The following RAB3B variants were observed in gnomAD, a reference collection of about 807,000 sequenced individuals.
The protein encoded by RAB3B is RAB3B, member RAS oncogene family, also known as ras-related protein Rab-3B.
A neutral mutation model predicts 20.5 loss-of-function variants in RAB3B; 11 were observed. The ratio of observed to expected loss-of-function variants is 0.54; its 90% CI spans 0.34 to 0.89. RAB3B has a LOEUF of 0.89. RAB3B is among the 40% of genes least tolerant of loss of function. RAB3B has a pLI of 0.02. For synonymous variants in RAB3B, 99 were observed against 106.3 expected, an observed-to-expected ratio of 0.93 and a Z score of 0.42; for missense variants, 225 against 280.9, an observed-to-expected ratio of 0.80 and a Z score of 1.42.
chr1:51,930,074 C>G (rs371601364), intron 4 of RAB3B, among the ~76,000 whole-genome samples: 1 of 152,102 alleles, frequency 6.6e-6, no homozygotes, highest in Non-Finnish European at 1.5e-5. Context: ...CTCAGGGAGT[C>G]GAGTTAGGCA....
At chr1:51,979,605 C>G (rs919082923) in intron 1 of RAB3B, among the ~76,000 whole-genome samples, 6 of 152,106 alleles carry the variant, frequency 3.9e-5, no homozygotes, top group African/African-American at 1.2e-4. Context: ...ACAAGGGAAG[C>G]AACCACAACA....
At position 51,919,590 on chromosome 1, in the gene RAB3B, A is replaced by G. The variant is rs1019232906; in HGVS notation, c.*337T>C. On this transcript the variant is annotated 3_prime_UTR_variant, in exon 5 of 5. Coordinates refer to ENST00000371655, the MANE Select transcript of RAB3B (RefSeq NM_002867.4). ...GCCCCTGAAGAATGTGTGCGTGTCA[A>G]ATTTTGGTAAATGGAGGAACTCTCA... The G allele has an allele frequency of 5.2e-5, 11 of 210,324 alleles. No homozygotes were observed. The highest frequency in any genetic ancestry group is 1.0e-4 in the Non-Finnish European group (11 of 106,058). The allele number at this position is 210,324 out of a possible 1,614,324, so 13.0% of individuals were successfully genotyped here.
At chr1:51,987,616 G>C (rs139552499) in intron 1 of RAB3B, among the ~76,000 whole-genome samples, 102 of 152,264 alleles carry the variant, frequency 6.7e-4, no homozygotes, top group African/African-American at 2.4e-3. Context: ...ATGAGACCTT[G>C]GCAAGAAATG....
intron 2 of RAB3B, among the ~76,000 whole-genome samples, chr1:51,970,698 T>C (rs940278054): frequency 1.3e-5 from 2 of 152,080 alleles, no homozygotes; most frequent in African/African-American, 4.8e-5. Flanking sequence ...GAACCACAGA[T>C]GGAAAACTTC....
Position 51,976,998 on chromosome 1 carries a change from G to T in RAB3B, c.120C>A (p.Phe40Leu), listed in dbSNP as rs1187708041. 31 of 1,614,100 alleles carry T rather than the reference G, an allele frequency of 1.9e-5. No homozygotes were observed. Among genetic ancestry groups the T allele is most frequent in the Non-Finnish European group, 2.0e-5 (24 of 1,180,032 alleles). The change falls in exon 2 of 5, where the codon TTC becomes TTA. Residue 40 changes from phenylalanine to leucine, a missense_variant. By Grantham distance (22) the Phe-to-Leu change is conservative. Coordinates refer to ENST00000371655, the MANE Select transcript of RAB3B (RefSeq NM_002867.4). ...GGGTGAACGTGTCATCAGCATAGCG[G>T]AAGAGGAAGGAGGTCTTGCCAACAC... ...NSSVGKTSFL[F>L]RYADDTFTPA... is the part of the protein sequence containing the mutation.
chr1:51,986,965 C>T (rs1326180686), intron 1 of RAB3B, among the ~76,000 whole-genome samples: 1 of 152,250 alleles, frequency 6.6e-6, no homozygotes, highest in Admixed American at 6.5e-5. Flanking sequence ...TCAATCAAAT[C>T]TTTCCTCTAT....
intron 2 of RAB3B, among the ~76,000 whole-genome samples, chr1:51,947,255 G>A (rs1684577752): frequency 6.6e-6 from 1 of 152,110 alleles, no homozygotes; most frequent in African/African-American, 2.4e-5. Flanking sequence ...AATTAGCTGG[G>A]CATGGTGGCA....
rs937636227 is a variant in RAB3B at position 51,912,921 on chromosome 1, G to A, written c.*7006C>T. The A allele has an allele frequency of 1.3e-5, 2 of 152,088 alleles. No individual in the cohort carries two copies. Among genetic ancestry groups the A allele is most frequent in the Non-Finnish European group, 2.9e-5 (2 of 68,020 alleles). 9.4% of individuals were successfully genotyped at this position (152,088 alleles called of 1,614,324 possible). A position where few individuals can be genotyped will look rare whatever the true frequency, so the allele number is the denominator to read the frequency against. ...GTTTCAATTTGGACATGTTAAGTTT[G>A]AGACATGAAAATGTCCAGTAGGCAC... On this transcript the variant is annotated 3_prime_UTR_variant, in exon 5 of 5. Transcript: ENST00000371655.
At chr1:51,924,976 A>T (rs1684224963) in intron 4 of RAB3B, among the ~76,000 whole-genome samples, 1 of 152,088 alleles carries the variant, frequency 6.6e-6, no homozygotes, top group Non-Finnish European at 1.5e-5. Context: ...AATGGGGCTC[A>T]ATTCTTAACT....
chr1:51,967,205 C>T (rs1025323227), intron 2 of RAB3B, among the ~76,000 whole-genome samples: 3 of 151,906 alleles, frequency 2.0e-5, no homozygotes, highest in African/African-American at 4.8e-5. Flanking sequence ...CCCAGCTATT[C>T]GGGAGGCTGA....
chr1:51,974,196 C>T (rs538174962), intron 2 of RAB3B, among the ~76,000 whole-genome samples: 1 of 152,202 alleles, frequency 6.6e-6, no homozygotes, highest in Non-Finnish European at 1.5e-5. Context: ...TCTCACATCC[C>T]CCTGTGCATG....
At chr1:51,922,853 C>T (rs555904327) in intron 4 of RAB3B, among the ~76,000 whole-genome samples, 6 of 152,208 alleles carry the variant, frequency 3.9e-5, no homozygotes, top group Non-Finnish European at 8.8e-5. Flanking sequence ...CCCACCACCA[C>T]ACCCGGCTAA....
At chr1:51,943,057 A>T (rs1027487761) in intron 2 of RAB3B, among the ~76,000 whole-genome samples, 2 of 152,118 alleles carry the variant, frequency 1.3e-5, no homozygotes, top group Non-Finnish European at 2.9e-5. Context: ...CTATGCCTTG[A>T]GACACAACAG....
At chr1:51,973,794 AAG>A (rs1159497790) in intron 2 of RAB3B, among the ~76,000 whole-genome samples, 1 of 152,174 alleles carries the variant, frequency 6.6e-6, no homozygotes, top group East Asian at 1.9e-4. Flanking sequence ...AACATAAACA[AAG>A]AAGTGAGTCA....
intron 2 of RAB3B, among the ~76,000 whole-genome samples, chr1:51,943,310 G>A (rs1684519153): frequency 6.6e-6 from 1 of 152,064 alleles, no homozygotes; most frequent in Non-Finnish European, 1.5e-5. Flanking sequence ...CTTGAACCCA[G>A]GAGGCGGAGG....
Position 51,914,446 on chromosome 1 carries a change from G to T in RAB3B, c.*5481C>A, listed in dbSNP as rs982975001. On this transcript the variant is annotated 3_prime_UTR_variant, in exon 5 of 5. Coordinates refer to ENST00000371655, the MANE Select transcript of RAB3B (RefSeq NM_002867.4). Reference sequence around the variant, plus strand: ...TAGAGTACTTTGTAATTATATTTGGGTGATGATTTGACAATGTCTATACTA... The same window carrying T: ...TAGAGTACTTTGTAATTATATTTGGTTGATGATTTGACAATGTCTATACTA... 4 of 152,096 alleles carry T rather than the reference G, an allele frequency of 2.6e-5. No individual in the cohort carries two copies. The highest frequency in any genetic ancestry group is 9.7e-5 in the African/African-American group (4 of 41,410). 9.4% of individuals were successfully genotyped at this position (152,096 alleles called of 1,614,324 possible).
At chr1:51,979,689 A>C (rs1571980833) in intron 1 of RAB3B, among the ~76,000 whole-genome samples, 2 of 152,212 alleles carry the variant, frequency 1.3e-5, no homozygotes, top group East Asian at 3.8e-4. Flanking sequence ...TCTACTATGA[A>C]TATATTCATT....
At chr1:51,981,538 C>T (rs1287242347) in intron 1 of RAB3B, among the ~76,000 whole-genome samples, 2 of 152,138 alleles carry the variant, frequency 1.3e-5, no homozygotes, top group Admixed American at 6.5e-5. Flanking sequence ...ATATAAATAA[C>T]ATACCATGCA....
At chr1:51,925,776 A>G (rs947133851) in intron 4 of RAB3B, among the ~76,000 whole-genome samples, 2 of 152,336 alleles carry the variant, frequency 1.3e-5, no homozygotes, top group African/African-American at 4.8e-5. Flanking sequence ...TTTCAGTCAG[A>G]TTCCAACCAG....
Sources: gnomAD v4.1 joint callset for allele counts (sites outside exome capture counted in the v4.1 genomes callset) on GRCh38, gnomAD v4.1.1 for gene constraint, MANE v1.5 for transcripts, NCBI Gene and HGNC (gene_info 2026-07-23, HGNC 2026-07-21) for gene names.